SLC24A2: variants seen among roughly 807,000 people sequenced by gnomAD.
SLC24A2 encodes the protein solute carrier family 24 member 2.
In SLC24A2, 36 loss-of-function variants were observed where a neutral mutation model predicts 62.0. That is an observed-to-expected ratio of 0.58 (90% CI 0.44 to 0.77). The LOEUF (loss-of-function observed/expected upper bound fraction) is 0.77. Among genes scored for constraint, SLC24A2 ranks in the 30% least tolerant of loss-of-function variants. The pLI is 0.00. For synonymous variants in SLC24A2, 358 were observed against 294.0 expected (o/e 1.22, Z -2.23); for missense variants, 846 against 817.9 (o/e 1.03, Z -0.42).
At chr9:19,827,177 G>A in the SLC24A2 span, among the ~76,000 whole-genome samples, 1 of 152,114 alleles carries the variant, frequency 6.6e-6, no homozygotes. Flanking sequence ...GAGTCATGTG[G>A]GTCATGTGAG....
chr9:19,730,447 T>G (rs1294520322), intron 2 of SLC24A2, among the ~76,000 whole-genome samples: 2 of 152,202 alleles, frequency 1.3e-5, no homozygotes, highest in Non-Finnish European at 2.9e-5. Context: ...TTCAATGTTA[T>G]ATTTTTGTGA....
intron 5 of SLC24A2, among the ~76,000 whole-genome samples, chr9:19,594,815 T>A (rs866193457): frequency 2.6e-5 from 4 of 152,150 alleles, no homozygotes; most frequent in African/African-American, 9.7e-5. Flanking sequence ...GAGAGACCCT[T>A]GAGAGTTTGA....
At chr9:19,975,144 A>T in the SLC24A2 span, among the ~76,000 whole-genome samples, 3 of 152,186 alleles carry the variant, frequency 2.0e-5, no homozygotes, top group African/African-American at 4.8e-5. Context: ...AGGCCAAAAG[A>T]ACACAAAATG....
the SLC24A2 span, among the ~76,000 whole-genome samples, chr9:20,306,358 CCAAAG>C: frequency 1.3e-5 from 2 of 152,146 alleles, no homozygotes; most frequent in Non-Finnish European, 2.9e-5. Flanking sequence ...AAGGCAAGGC[CCAAAG>C]CAAAGCAATT....
intron 2 of SLC24A2, among the ~76,000 whole-genome samples, chr9:19,728,859 G>A (rs550841594): frequency 1.5e-4 from 23 of 152,080 alleles, no homozygotes; most frequent in Non-Finnish European, 3.2e-4. Context: ...TTGCATTGAG[G>A]CTGAGACTAA....
chr9:20,159,780 C>A, the SLC24A2 span, among the ~76,000 whole-genome samples: 4 of 151,242 alleles, frequency 2.6e-5, no homozygotes, highest in South Asian at 8.3e-4. Flanking sequence ...TAATGGTAAC[C>A]ACAAATGTAA....
chr9:20,136,590 C>T, the SLC24A2 span, among the ~76,000 whole-genome samples: 2 of 152,010 alleles, frequency 1.3e-5, no homozygotes, highest in Non-Finnish European at 2.9e-5. Flanking sequence ...ACCACTTTGC[C>T]CCCCATACTG....
chr9:19,788,117 A>C lies in SLC24A2; in HGVS notation c.-154+768T>G, dbSNP rs573023976. Among the ~76,000 whole-genome samples, 5 of 152,326 alleles carry C rather than the reference A, an allele frequency of 3.3e-5. No homozygotes were observed. In the East Asian group the frequency reaches 9.6e-4, roughly 29 times the overall value. ...CAGGTGTAAAATAAGCTAATTAAAC[A>C]CACGCCACTTAAATACTGAGATTAG... On this transcript the variant is annotated intron_variant, in intron 1 of 10. Coordinates refer to ENST00000341998, the MANE Select transcript of SLC24A2 (RefSeq NM_020344.4).
chr9:19,713,321 G>T (rs1324934845), intron 2 of SLC24A2, among the ~76,000 whole-genome samples: 1 of 152,098 alleles, frequency 6.6e-6, no homozygotes, highest in Non-Finnish European at 1.5e-5. Context: ...AAGCAGAAAA[G>T]CTGTAAGTCA....
intron 2 of SLC24A2, among the ~76,000 whole-genome samples, chr9:19,636,318 T>TCTTTTC (rs1554690366): frequency 0.024 from 785 of 32,208 alleles, 65 homozygotes; most frequent in African/African-American, 0.036. Flanking sequence ...TCTTTTCTTT[T>TCTTTTC]CTTTCTTTCT....
intron 8 of SLC24A2, among the ~76,000 whole-genome samples, chr9:19,535,595 T>C (rs985318437): frequency 1.3e-4 from 20 of 152,332 alleles, no homozygotes; most frequent in African/African-American, 3.6e-4. Context: ...CCCAGCACCA[T>C]TGATTACATA....
the SLC24A2 span, among the ~76,000 whole-genome samples, chr9:19,874,130 A>C: frequency 8.0e-6 from 1 of 125,294 alleles, no homozygotes; most frequent in South Asian, 2.5e-4. Context: ...CCCAGGCTGG[A>C]GTGCAGTGGC....
chr9:19,754,926 A>G (rs1822094665), intron 2 of SLC24A2, among the ~76,000 whole-genome samples: 1 of 152,140 alleles, frequency 6.6e-6, no homozygotes, highest in Non-Finnish European at 1.5e-5. Flanking sequence ...TGATTTTATA[A>G]GCATCCAATT....
chr9:20,283,912 C>G, the SLC24A2 span, among the ~76,000 whole-genome samples: 2 of 152,098 alleles, frequency 1.3e-5, no homozygotes, highest in Non-Finnish European at 2.9e-5. Flanking sequence ...AGGCATTTTC[C>G]TTTTTCCGGT....
chr9:19,683,778 C>G (rs1819793036), intron 2 of SLC24A2, among the ~76,000 whole-genome samples: 1 of 152,018 alleles, frequency 6.6e-6, no homozygotes, highest in Non-Finnish European at 1.5e-5. Context: ...GAGATGGGAG[C>G]ATTTAAAAAC....
intron 2 of SLC24A2, among the ~76,000 whole-genome samples, chr9:19,706,953 T>C (rs1314195339): frequency 2.6e-5 from 4 of 151,312 alleles, no homozygotes; most frequent in African/African-American, 7.3e-5. Context: ...TTCAAAAAAT[T>C]AATGAATCCA....
chr9:19,883,023 C>T, the SLC24A2 span, among the ~76,000 whole-genome samples: 1 of 152,116 alleles, frequency 6.6e-6, no homozygotes, highest in Non-Finnish European at 1.5e-5. Context: ...GGACGGTAGC[C>T]TTCATGCTGT....
At chr9:19,622,771 AT>A (rs1817940336) in intron 2 of SLC24A2, among the ~76,000 whole-genome samples, 1 of 152,150 alleles carries the variant, frequency 6.6e-6, no homozygotes, top group African/African-American at 2.4e-5. Flanking sequence ...CCAAACTGTT[AT>A]TAGTGGTTGT....
At chr9:19,739,757 A>G (rs1233160300) in intron 2 of SLC24A2, among the ~76,000 whole-genome samples, 2 of 152,222 alleles carry the variant, frequency 1.3e-5, no homozygotes, top group East Asian at 3.8e-4. Flanking sequence ...TGGGGTAGAC[A>G]AAAATTTCTT....
Sources: gnomAD v4.1 joint callset for allele counts (sites outside exome capture counted in the v4.1 genomes callset) on GRCh38, gnomAD v4.1.1 for gene constraint, MANE v1.5 for transcripts, NCBI Gene and HGNC (gene_info 2026-07-23, HGNC 2026-07-21) for gene names.